TSNARE1: variants seen among roughly 807,000 people sequenced by gnomAD.
TSNARE1 encodes t-SNARE domain containing 1.
TSNARE1 carries 49 observed loss-of-function variants against 62.0 expected under a neutral mutation model. The ratio of observed to expected loss-of-function variants is 0.79; its 90% CI spans 0.63 to 1.00. TSNARE1 has a LOEUF of 1.00. TSNARE1 is among the 50% of genes least tolerant of loss of function. The probability of loss-of-function intolerance (pLI) is 0.00; values close to 1 mark genes in which losing one functional copy is unlikely to be tolerated. For synonymous variants in TSNARE1, 328 were observed against 294.4 expected (o/e 1.11, Z -1.17); for missense variants, 755 against 700.1 (o/e 1.08, Z -0.88).
intron 12 of TSNARE1, among the ~76,000 whole-genome samples, chr8:142,272,133 A>C (rs1819633137): frequency 3.5e-5 from 5 of 142,978 alleles, no homozygotes; most frequent in African/African-American, 5.4e-5. Context: ...ACCCCTTCCA[A>C]CCTCCTCTTC....
intron 6 of TSNARE1, among the ~76,000 whole-genome samples, chr8:142,323,057 G>A (rs539508815): frequency 8.6e-5 from 13 of 150,790 alleles, no homozygotes; most frequent in African/African-American, 2.7e-4. Context: ...TGGGCTGGAT[G>A]ACAATACTGT....
intron 12 of TSNARE1, chr8:142,270,011 G>A (rs1819380607): frequency 2.0e-6 from 2 of 985,292 alleles, no homozygotes; most frequent in Admixed American, 1.2e-4. Flanking sequence ...AAGCTCCTGG[G>A]ACCAGCATGC....
chr8:142,343,685 G>A (rs1384859927), intron 4 of TSNARE1, among the ~76,000 whole-genome samples: 1 of 150,536 alleles, frequency 6.6e-6, no homozygotes, highest in Non-Finnish European at 1.5e-5. Context: ...GCACAGATGA[G>A]TGAAGAGTGA....
At chr8:142,258,013 C>G (rs1818670530) in intron 12 of TSNARE1, among the ~76,000 whole-genome samples, 1 of 152,164 alleles carries the variant, frequency 6.6e-6, no homozygotes, top group African/African-American at 2.4e-5. Context: ...ACACACACAC[C>G]TGTGCTTATA....
intron 13 of TSNARE1, among the ~76,000 whole-genome samples, chr8:142,216,064 G>A (rs1815817966): frequency 6.6e-6 from 1 of 152,132 alleles, no homozygotes; most frequent in African/African-American, 2.4e-5. Flanking sequence ...CAGATCTGAG[G>A]GGGAAAGGTT....
intron 13 of TSNARE1, among the ~76,000 whole-genome samples, chr8:142,221,722 CATT>C (rs1816231438): frequency 2.7e-5 from 1 of 37,270 alleles, no homozygotes; most frequent in African/African-American, 8.3e-5. Flanking sequence ...CTCACTCACT[CATT>C]CACTCACTCA....
At chr8:142,235,322 C>T (rs376005963) in intron 12 of TSNARE1, among the ~76,000 whole-genome samples, 12 of 152,214 alleles carry the variant, frequency 7.9e-5, no homozygotes, top group East Asian at 1.9e-4. Context: ...ATGTCTAACG[C>T]GGGCCCCAGC....
chr8:142,401,530 C>T (rs560511430), intron 1 of TSNARE1, among the ~76,000 whole-genome samples: 1 of 152,292 alleles, frequency 6.6e-6, no homozygotes, highest in Admixed American at 6.5e-5. Flanking sequence ...GTGGAAGAGA[C>T]TTAGGGACAC....
chr8:142,238,675 C>A (rs906404978), intron 12 of TSNARE1, among the ~76,000 whole-genome samples: 1 of 151,748 alleles, frequency 6.6e-6, no homozygotes, highest in East Asian at 1.9e-4. Context: ...CCCAGCCCCT[C>A]CCCTGCACAC....
intron 11 of TSNARE1, chr8:142,279,715 C>T (rs534297988): frequency 2.3e-4 from 54 of 235,984 alleles, no homozygotes; most frequent in South Asian, 1.2e-3. Flanking sequence ...AGGAGGGTGG[C>T]GGGCCATCTC....
chr8:142,356,976 C>G (rs1045443442), intron 1 of TSNARE1, among the ~76,000 whole-genome samples: 7 of 152,092 alleles, frequency 4.6e-5, no homozygotes, highest in Non-Finnish European at 1.5e-5. Flanking sequence ...CACAGAGGAG[C>G]ACCGAGAAGC....
Position 142,277,912 on chromosome 8 carries a change from T to C in TSNARE1, c.1364-3049A>G, listed in dbSNP as rs1820766782. Reference sequence around the variant, plus strand: ...GCCACCCCTGCCAGGCCCCTCCTTCTCAGCCCCACACCACATGTCTATCCT... The same window carrying C: ...GCCACCCCTGCCAGGCCCCTCCTTCCCAGCCCCACACCACATGTCTATCCT... On this transcript the variant is annotated intron_variant, in intron 11 of 13. Coordinates refer to ENST00000524325, the MANE Select transcript of TSNARE1 (RefSeq NM_145003.5). 3 of 985,114 alleles carry C rather than the reference T, an allele frequency of 3.0e-6. No individual in the cohort carries two copies. The South Asian group carries it at 1.4e-4, about 46-fold the overall frequency. The allele number at this position is 985,114 out of a possible 1,614,324, so 61.0% of individuals were successfully genotyped here.
At chr8:142,354,447 C>T (rs1834527509) in intron 2 of TSNARE1, among the ~76,000 whole-genome samples, 190 bp downstream of exon 2, 1 of 152,172 alleles carries the variant, frequency 6.6e-6, no homozygotes, top group Non-Finnish European at 1.5e-5. Context: ...CCAGGACAGC[C>T]ACTCCTGATG....
chr8:142,259,205 A>G (rs34259915), intron 12 of TSNARE1, among the ~76,000 whole-genome samples: 2 of 152,018 alleles, frequency 1.3e-5, no homozygotes, highest in African/African-American at 4.8e-5. Flanking sequence ...CAGCACCCCA[A>G]CTCCCGTGAC....
chr8:142,273,375 C>T (rs755535524), intron 12 of TSNARE1: 24 of 985,320 alleles, frequency 2.4e-5, no homozygotes, highest in Non-Finnish European at 2.8e-5. Flanking sequence ...TGCCCGTCAC[C>T]AGGCGTCACC....
chr8:142,293,981 C>T (rs1824249569), intron 10 of TSNARE1, among the ~76,000 whole-genome samples: 2 of 152,164 alleles, frequency 1.3e-5, no homozygotes, highest in Admixed American at 6.5e-5. Context: ...TTACCTAGGC[C>T]CCACCTGGAG....
intron 1 of TSNARE1, among the ~76,000 whole-genome samples, chr8:142,381,979 T>A (rs1437531658): frequency 6.6e-6 from 1 of 151,708 alleles, no homozygotes; most frequent in Non-Finnish European, 1.5e-5. Context: ...GGCCGCCACC[T>A]CCTCCTCTGA....
At chr8:142,288,941 CA>C (rs1363687678) in intron 10 of TSNARE1, among the ~76,000 whole-genome samples, 3 of 152,244 alleles carry the variant, frequency 2.0e-5, no homozygotes, top group Non-Finnish European at 2.9e-5. Context: ...GCTCGGCCAG[CA>C]GGGCTGGCAG....
At chr8:142,335,068 G>C (rs530049081) in intron 4 of TSNARE1, among the ~76,000 whole-genome samples, 3 of 152,202 alleles carry the variant, frequency 2.0e-5, no homozygotes, top group Admixed American at 6.5e-5. Flanking sequence ...AGCAAAATCC[G>C]TAACTATGTG....
Sources: gnomAD v4.1 joint callset for allele counts (sites outside exome capture counted in the v4.1 genomes callset) on GRCh38, gnomAD v4.1.1 for gene constraint, MANE v1.5 for transcripts, NCBI Gene and HGNC (gene_info 2026-07-23, HGNC 2026-07-21) for gene names.